Variants in RASGEF1C observed in about 807,000 individuals in gnomAD.
The protein encoded by RASGEF1C is RasGEF domain family member 1C.
In RASGEF1C, 27 loss-of-function variants were observed where a neutral mutation model predicts 58.1. The observed-to-expected ratio is 0.46, with a 90% CI of 0.34 to 0.64. RASGEF1C has a LOEUF of 0.64. Ranked by LOEUF, RASGEF1C falls within the 30% of genes least tolerant of loss-of-function variation. RASGEF1C has a pLI of 0.01. For missense variants in RASGEF1C, 502 were observed against 605.1 expected, an observed-to-expected ratio of 0.83 and a Z score of 1.79; for synonymous variants, 243 against 246.3, an observed-to-expected ratio of 0.99 and a Z score of 0.13.
Position 180,159,281 on chromosome 5 carries a change from A to G in RASGEF1C, c.-6-21223T>C, listed in dbSNP as rs568708146. On this transcript the variant is annotated intron_variant, in intron 1 of 13. Transcript: ENST00000361132. ...CAGCCTCCCGAGTAGCTGGGAGTAC[A>G]GGCGTGCACCACCACGCCCGGCTAA... 2.6e-5 allele frequency among the ~76,000 whole-genome samples: 4 copies of G among 151,942 alleles called. No homozygotes were observed. In the East Asian group the frequency reaches 7.7e-4, roughly 29 times the overall value.
At chr5:180,117,371 G>T (rs975995968) in intron 10 of RASGEF1C, among the ~76,000 whole-genome samples, 1 of 152,216 alleles carries the variant, frequency 6.6e-6, no homozygotes, top group Non-Finnish European at 1.5e-5. Flanking sequence ...TCCCTCCAGT[G>T]CAATTCCAGG....
chr5:180,192,815 G>A (rs1756190271), intron 1 of RASGEF1C, among the ~76,000 whole-genome samples: 4 of 151,546 alleles, frequency 2.6e-5, no homozygotes, highest in Admixed American at 2.0e-4. Flanking sequence ...CGCAATCTCG[G>A]CTCACTGCAA....
At chr5:180,195,212 G>C (rs768245424) in intron 1 of RASGEF1C, among the ~76,000 whole-genome samples, 61 of 152,232 alleles carry the variant, frequency 4.0e-4, no homozygotes, top group Non-Finnish European at 7.6e-4. Context: ...AGCGTCCCTG[G>C]AGCTGACTCC....
chr5:180,148,790 G>T (rs1467459571), intron 1 of RASGEF1C, among the ~76,000 whole-genome samples: 1 of 152,146 alleles, frequency 6.6e-6, no homozygotes, highest in African/African-American at 2.4e-5. Context: ...ATTGCCCATG[G>T]ATAAATCTTT....
chr5:180,182,047 C>CAA (rs376212550), intron 1 of RASGEF1C, among the ~76,000 whole-genome samples: 1 of 150,448 alleles, frequency 6.6e-6, no homozygotes, highest in African/African-American at 2.4e-5. Context: ...ACTAAAAATA[C>CAA]AAAAAAAATT....
intron 1 of RASGEF1C, among the ~76,000 whole-genome samples, chr5:180,165,465 T>G (rs930201757): frequency 8.6e-5 from 13 of 151,304 alleles, no homozygotes; most frequent in Non-Finnish European, 1.8e-4. Context: ...AGGTCAGGAG[T>G]TTGAGACTAG....
Position 180,155,989 on chromosome 5 carries a change from CTAT to C in RASGEF1C, c.-6-17934_-6-17932del, listed in dbSNP as rs745611293. Among the ~76,000 whole-genome samples the C allele has an allele frequency of 1.1e-4, 16 of 152,078 alleles. No individual in the cohort carries two copies. Among genetic ancestry groups the C allele is most frequent in the Admixed American group, 2.0e-4 (3 of 15,272 alleles). On this transcript the variant is annotated intron_variant, in intron 1 of 13. Coordinates refer to ENST00000361132, the MANE Select transcript of RASGEF1C (RefSeq NM_175062.4). This position sits in a 1 kb window ranked among gnomAD's most constrained non-coding sequence, Gnocchi z 5.2. ...CCTGGGCTTTGCTTCGAGACAATTA[CTAT>C]TATTATTATTACAGCATGAACATCT... is the stretch of plus-strand genomic sequence containing the variant.
chr5:180,141,099 C>A (rs11741286), intron 1 of RASGEF1C, among the ~76,000 whole-genome samples: 111,631 of 152,188 alleles, frequency 0.73, 42,823 homozygotes, highest in South Asian at 0.96. Flanking sequence ...AAGACAAGGA[C>A]ATGTAAACAC....
At chr5:180,162,520 G>C (rs1431710796) in intron 1 of RASGEF1C, among the ~76,000 whole-genome samples, 1 of 152,218 alleles carries the variant, frequency 6.6e-6, no homozygotes, top group Non-Finnish European at 1.5e-5. Flanking sequence ...GGCAGCCTCA[G>C]ATTCTCAAAG....
chr5:180,185,677 T>C (rs902753672), intron 1 of RASGEF1C, among the ~76,000 whole-genome samples: 7 of 152,102 alleles, frequency 4.6e-5, no homozygotes, highest in African/African-American at 1.7e-4. Flanking sequence ...GCCAATCAGT[T>C]GAAAATTTAG....
At chr5:180,117,751 TG>T (rs1382576502) in intron 10 of RASGEF1C, among the ~76,000 whole-genome samples, 1 of 152,118 alleles carries the variant, frequency 6.6e-6, no homozygotes, top group African/African-American at 2.4e-5. Context: ...CCCAGCACTT[TG>T]GGAGGTCGAG....
intron 12 of RASGEF1C, among the ~76,000 whole-genome samples, chr5:180,103,162 CTG>C (rs1180441257): frequency 6.6e-6 from 1 of 152,182 alleles, no homozygotes; most frequent in East Asian, 1.9e-4. Flanking sequence ...ACTGCAAGCT[CTG>C]CCTCCCGGGT....
intron 1 of RASGEF1C, among the ~76,000 whole-genome samples, chr5:180,194,686 T>C (rs1581130209): frequency 1.3e-5 from 2 of 152,214 alleles, no homozygotes; most frequent in East Asian, 1.9e-4. Context: ...AGGTGACTGA[T>C]GGGCGCTACC....
Position 180,137,917 on chromosome 5 carries a change from G to T in RASGEF1C, c.136C>A (p.Leu46Met). The change falls in exon 2 of 14, where the codon CTG becomes ATG. Residue 46 changes from leucine to methionine, a missense_variant. Physicochemically the swap from Leu to Met is conservative, Grantham distance 15. Transcript: ENST00000361132. The surrounding 1 kb of genome is among the most constrained non-coding windows in gnomAD (Gnocchi z 4.1). ...GCTGTGGGCACCAGGTGCTGGATCA[G>T]TGTTTCCAGGGAGGCTGAGGATGGC... is the stretch of plus-strand genomic sequence containing the variant. ...GAPSSASLETLIQHLVPTADY... is the reference protein window; with the variant it reads ...GAPSSASLETMIQHLVPTADY... 6.2e-7 allele frequency: 1 copy of T among 1,613,374 alleles called. No homozygotes were observed. Among genetic ancestry groups the T allele is most frequent in the East Asian group, 2.2e-5 (1 of 44,864 alleles).
chr5:180,201,833 T>C (rs914920004), intron 1 of RASGEF1C, among the ~76,000 whole-genome samples: 1 of 152,194 alleles, frequency 6.6e-6, no homozygotes, highest in South Asian at 2.1e-4. Flanking sequence ...CCTTCCTCCA[T>C]GTGAGGGCGT....
chr5:180,117,973 G>A (rs929308215), intron 10 of RASGEF1C, among the ~76,000 whole-genome samples: 8 of 137,904 alleles, frequency 5.8e-5, no homozygotes, highest in Admixed American at 2.9e-4. Flanking sequence ...CAGCCTGGGC[G>A]ACAGAGAGAG....
intron 1 of RASGEF1C, among the ~76,000 whole-genome samples, chr5:180,203,971 C>T (rs548892445): frequency 1.3e-5 from 2 of 150,120 alleles, no homozygotes; most frequent in South Asian, 2.1e-4. Flanking sequence ...CTAGCCTGGG[C>T]GACAGAGTGA....
chr5:180,194,102 T>C (rs572663563), intron 1 of RASGEF1C, among the ~76,000 whole-genome samples: 4 of 151,732 alleles, frequency 2.6e-5, no homozygotes, highest in Non-Finnish European at 4.4e-5. Context: ...CGGTGTGACC[T>C]TGGGGTGTCC....
Position 180,155,420 on chromosome 5 carries a change from G to C in RASGEF1C, c.-6-17362C>G, listed in dbSNP as rs1254897169. 6.6e-6 allele frequency among the ~76,000 whole-genome samples: 1 copy of C among 152,194 alleles called. No homozygotes were observed. Among genetic ancestry groups the C allele is most frequent in the Non-Finnish European group, 1.5e-5 (1 of 68,042 alleles). ...TAGGCCGAGCCCAGATCTGCTTGCG[G>C]AGGCTGAGAATGCACCTGGCCTTGC... On this transcript the variant is annotated intron_variant, in intron 1 of 13. Coordinates refer to ENST00000361132, the MANE Select transcript of RASGEF1C (RefSeq NM_175062.4). The surrounding 1 kb of genome is among the most constrained non-coding windows in gnomAD (Gnocchi z 5.2).
Sources: allele counts gnomAD v4.1 joint callset (sites outside exome capture counted in the v4.1 genomes callset), GRCh38; gene constraint gnomAD v4.1.1; non-coding constraint Gnocchi (gnomAD v3.1); transcripts MANE v1.5; gene names NCBI Gene and HGNC (gene_info 2026-07-23, HGNC 2026-07-21).